ITPKC: variants seen among roughly 807,000 people sequenced by gnomAD.
ITPKC encodes the protein inositol-trisphosphate 3-kinase C.
In ITPKC, 33 loss-of-function variants were observed where a neutral mutation model predicts 67.1. That is an observed-to-expected ratio of 0.49 (90% CI 0.37 to 0.66). The LOEUF (loss-of-function observed/expected upper bound fraction) is 0.66, where lower values mean the gene tolerates loss of function less well. Among genes scored for constraint, ITPKC ranks in the 30% least tolerant of loss-of-function variants. ITPKC has a pLI of 0.00. For synonymous variants in ITPKC, 341 were observed against 359.8 expected (o/e 0.95, Z 0.59); for missense variants, 820 against 892.1 (o/e 0.92, Z 1.03).
Position 40,725,447 on chromosome 19 carries a change from G to GGGT in ITPKC, c.1255+17_1255+19dup. The stretch of plus-strand genomic sequence containing the variant: ...AGCTTTCTGGACATGCTGGTAAGTG[G>GGGT]GGTGGTGGTGGACAGAGCTGGGCAG... On this transcript the variant is annotated intron_variant, in intron 2 of 6. Coordinates refer to ENST00000263370, the MANE Select transcript of ITPKC (RefSeq NM_025194.3). The GGGT allele has an allele frequency of 6.4e-7, 1 of 1,574,328 alleles. No individual in the cohort carries two copies. The highest frequency in any genetic ancestry group is 8.7e-7 in the Non-Finnish European group (1 of 1,143,626).
intron 6 of ITPKC, among the ~76,000 whole-genome samples, chr19:40,739,038 A>G (rs1464955956): frequency 6.6e-6 from 1 of 152,196 alleles, no homozygotes; most frequent in African/African-American, 2.4e-5. Flanking sequence ...TAAAACTTAC[A>G]CATTGTTTGT....
intron 2 of ITPKC, among the ~76,000 whole-genome samples, chr19:40,728,694 A>G (rs1264877481): frequency 2.6e-5 from 4 of 152,222 alleles, no homozygotes; most frequent in African/African-American, 4.8e-5. Context: ...AACAGAGAAC[A>G]GAAATTCGCC....
At chr19:40,730,977 C>G (rs74404385) in intron 3 of ITPKC, among the ~76,000 whole-genome samples, 4 of 152,008 alleles carry the variant, frequency 2.6e-5, no homozygotes, top group African/African-American at 9.7e-5. Flanking sequence ...GACTGCCCCC[C>G]AGTTACAGAC....
intron 6 of ITPKC, 91 bp downstream of exon 6, chr19:40,737,860 A>G (rs1370130940): frequency 1.2e-5 from 14 of 1,126,866 alleles, no homozygotes; most frequent in Non-Finnish European, 1.8e-5. Flanking sequence ...GGTCAAAGAT[A>G]TAAAAAGGGG....
At chr19:40,725,514 T>G in intron 2 of ITPKC, 75 bp downstream of exon 2, 1 of 993,132 alleles carries the variant, frequency 1.0e-6, no homozygotes, top group Non-Finnish European at 1.6e-6. Context: ...TGTAGTTTAG[T>G]TCCCCCACCT....
chr19:40,738,837 G>A (rs1038263455), intron 6 of ITPKC, among the ~76,000 whole-genome samples: 1 of 152,110 alleles, frequency 6.6e-6, no homozygotes, highest in African/African-American at 2.4e-5. Flanking sequence ...AGTGGATGCC[G>A]GAAACTGTGG....
rs950487020 is a variant in ITPKC, at chr19:40,739,816, G to C, written c.*256G>C. ...ATGAGGCAGTGAGTCAGAAAAACCA[G>C]AACGGGGTCCCCGGATCTGCCGGGA... On this transcript the variant is annotated 3_prime_UTR_variant, in exon 7 of 7. Coordinates refer to ENST00000263370, the MANE Select transcript of ITPKC (RefSeq NM_025194.3). The C allele has an allele frequency of 3.7e-6, 2 of 541,838 alleles. No homozygotes were observed. The highest frequency in any genetic ancestry group is 6.6e-6 in the Non-Finnish European group (2 of 302,540). The allele number at this position is 541,838 out of a possible 1,614,324, so 33.6% of individuals were successfully genotyped here.
At position 40,739,755 on chromosome 19, in the gene ITPKC, A is replaced by G. The variant is rs1393657442; in HGVS notation, c.*195A>G. On this transcript the variant is annotated 3_prime_UTR_variant, in exon 7 of 7. Transcript: ENST00000263370. ...AGACCAGGTAGCACCTGGCCCCATC[A>G]TGATGCAGGGGTTTTGGGGACCTGG... The G allele has an allele frequency of 1.5e-5, 9 of 588,038 alleles. No homozygotes were observed. The East Asian group carries it at 2.6e-4, about 17-fold the overall frequency. The allele number at this position is 588,038 out of a possible 1,614,324, so 36.4% of individuals were successfully genotyped here. A position where few individuals can be genotyped will look rare whatever the true frequency, so the allele number is the denominator to read the frequency against.
chr19:40,724,947 T>TAAA (rs369519928), intron 1 of ITPKC, among the ~76,000 whole-genome samples: 1 of 119,770 alleles, frequency 8.3e-6, no homozygotes, highest in East Asian at 2.4e-4. Flanking sequence ...CTGTCTCAAT[T>TAAA]AAAAAAAAAA....
In ITPKC at chr19:40,729,098, C is replaced by G. The variant is rs1353568793; in HGVS notation, c.1256-104C>G. On this transcript the variant is annotated intron_variant, in intron 2 of 6. Transcript: ENST00000263370. ...GGGAGAGAAAGCATTGCAGGAGGGT[C>G]GGGCAAGATAATGGTGGCCAGGATC... The G allele has an allele frequency of 6.0e-6, 5 of 827,230 alleles. No individual in the cohort carries two copies. The East Asian group carries it at 1.3e-4, about 21-fold the overall frequency. The allele number at this position is 827,230 out of a possible 1,614,324, so 51.2% of individuals were successfully genotyped here. A position where few individuals can be genotyped will look rare whatever the true frequency, so the allele number is the denominator to read the frequency against.
chr19:40,738,352 C>G (rs1006170683), intron 6 of ITPKC, among the ~76,000 whole-genome samples: 2 of 152,128 alleles, frequency 1.3e-5, no homozygotes, highest in Admixed American at 1.3e-4. Flanking sequence ...TGGCATGAAC[C>G]CGGGAGGTGG....
intron 4 of ITPKC, among the ~76,000 whole-genome samples, chr19:40,736,265 G>T (rs138707859): frequency 0.011 from 1,617 of 152,116 alleles, 39 homozygotes; most frequent in African/African-American, 0.037. Context: ...ACTCCAGCCT[G>T]GGTGACAGAG....
Position 40,718,214 on chromosome 19 carries a change from C to T in ITPKC, c.1079C>T (p.Ala360Val). 2 of 1,548,256 alleles carry T rather than the reference C, an allele frequency of 1.3e-6. No homozygotes were observed. Among genetic ancestry groups the T allele is most frequent in the Non-Finnish European group, 1.7e-6 (2 of 1,153,538 alleles). ...GGGGGCAGCGGCGGCTTCTCCTCTG[C>T]CTCTTCTTTCGACGAGTCTGAGGAT... Reference protein sequence around the residue: ...VEGGSGGFSSASSFDESEDDV... With the variant: ...VEGGSGGFSSVSSFDESEDDV... The change falls in exon 1 of 7, where the codon GCC (alanine) becomes GTC (valine). Residue 360 changes from alanine (A) to valine (V), a missense_variant. Around this residue, in one of 2 missense-constraint regions of ITPKC, gnomAD observed 481 missense variants for 470.1 expected, o/e 1.02. Transcript: ENST00000263370.
chr19:40,735,452 C>A (rs1173115810), intron 4 of ITPKC, among the ~76,000 whole-genome samples: 2 of 151,948 alleles, frequency 1.3e-5, no homozygotes, highest in African/African-American at 2.4e-5. Flanking sequence ...GTGATCCCCC[C>A]ACCTCAGTCT....
At position 40,739,699 on chromosome 19, in the gene ITPKC, A is replaced by C. The variant is rs181995406; in HGVS notation, c.*139A>C. The C allele has an allele frequency of 4.1e-5, 29 of 712,150 alleles. No individual in the cohort carries two copies. The highest frequency in any genetic ancestry group is 9.2e-6 in the Non-Finnish European group (4 of 435,424). 44.1% of individuals were successfully genotyped at this position (712,150 alleles called of 1,614,324 possible). On this transcript the variant is annotated 3_prime_UTR_variant, in exon 7 of 7. Transcript: ENST00000263370. Reference sequence around the variant, plus strand: ...GAGATTGTGTCATGTGCCACACGAGACCAACGTGGAAAAGTCTGAAGGGCC... The same window carrying C: ...GAGATTGTGTCATGTGCCACACGAGCCCAACGTGGAAAAGTCTGAAGGGCC...
intron 4 of ITPKC, among the ~76,000 whole-genome samples, chr19:40,736,095 T>C (rs7249805): frequency 0.12 from 18,805 of 152,042 alleles, 1,292 homozygotes; most frequent in Middle Eastern, 0.18. Context: ...ATCGAGACCA[T>C]CCTGGCTAAC....
intron 1 of ITPKC, among the ~76,000 whole-genome samples, chr19:40,719,095 G>C (rs1257625140): frequency 6.6e-6 from 1 of 152,152 alleles, no homozygotes; most frequent in Admixed American, 6.5e-5. Context: ...GCTGGGAGCC[G>C]AGTCCGGAGT....
intron 4 of ITPKC, among the ~76,000 whole-genome samples, chr19:40,733,692 C>T (rs957740219): frequency 3.9e-5 from 6 of 152,184 alleles, no homozygotes; most frequent in Middle Eastern, 3.2e-3. Context: ...GGATCCCTTT[C>T]CCCCAGCTAT....
At chr19:40,734,754 A>G (rs1392125123) in intron 4 of ITPKC, among the ~76,000 whole-genome samples, 1 of 145,082 alleles carries the variant, frequency 6.9e-6, no homozygotes, top group Non-Finnish European at 1.5e-5. Flanking sequence ...GATTACTGGC[A>G]CGCACTACCA....
Sources: gnomAD v4.1 joint callset for allele counts (sites outside exome capture counted in the v4.1 genomes callset) on GRCh38, gnomAD v4.1.1 for gene constraint, gnomAD v4.1.1 regional missense constraint, MANE v1.5 for transcripts, NCBI Gene and HGNC (gene_info 2026-07-23, HGNC 2026-07-21) for gene names.